ZNF420: variants seen among roughly 807,000 people sequenced by gnomAD.
ZNF420 encodes zinc finger protein 420.
In ZNF420, 31 loss-of-function variants were observed where a neutral mutation model predicts 44.7. That is an observed-to-expected ratio of 0.69 (90% CI 0.52 to 0.94). ZNF420 has a LOEUF of 0.94. Among genes scored for constraint, ZNF420 ranks in the 40% least tolerant of loss-of-function variants. The pLI, the probability that ZNF420 is intolerant of heterozygous loss-of-function variation, is 0.00. For missense variants in ZNF420, 681 were observed against 827.9 expected (o/e 0.82, Z 2.18); for synonymous variants, 245 against 267.4 (o/e 0.92, Z 0.82).
At chr19:37,086,147 C>G (rs1968765118) in intron 2 of ZNF420, among the ~76,000 whole-genome samples, 1 of 151,946 alleles carries the variant, frequency 6.6e-6, no homozygotes. Context: ...CCCTTGTCTT[C>G]TTGTCCCCTG....
intron 1 of ZNF420, among the ~76,000 whole-genome samples, chr19:37,025,528 G>A (rs1967140083): frequency 6.6e-6 from 1 of 151,966 alleles, no homozygotes; most frequent in Admixed American, 6.6e-5. Context: ...ATGGACAGGT[G>A]GTCTTTTTTA....
intron 1 of ZNF420, among the ~76,000 whole-genome samples, chr19:37,037,779 G>A (rs1191110669): frequency 6.6e-6 from 1 of 152,210 alleles, no homozygotes; most frequent in Admixed American, 6.5e-5. Flanking sequence ...GATTACAGAC[G>A]TGAGCTATCA....
At chr19:37,056,625 C>T (rs2146433025) in intron 1 of ZNF420, among the ~76,000 whole-genome samples, 1 of 152,296 alleles carries the variant, frequency 6.6e-6, no homozygotes. Context: ...CAGCTGACAC[C>T]ACGCCTTGAG....
chr19:37,025,770 CTTT>C (rs67671586), intron 1 of ZNF420, among the ~76,000 whole-genome samples: 3,472 of 129,430 alleles, frequency 0.027, 136 homozygotes, highest in African/African-American at 0.086. Context: ...TTAAACCTGT[CTTT>C]TTTTTTTTTT....
intron 4 of ZNF420, among the ~76,000 whole-genome samples, chr19:37,104,509 G>A (rs188828780): frequency 1.3e-3 from 192 of 152,296 alleles, no homozygotes; most frequent in Non-Finnish European, 2.2e-3. Context: ...CAGGTAATGG[G>A]ATAGCTGGGT....
At chr19:37,081,920 C>A (rs974076176) in intron 2 of ZNF420, among the ~76,000 whole-genome samples, 1 of 151,878 alleles carries the variant, frequency 6.6e-6, no homozygotes, top group Non-Finnish European at 1.5e-5. Context: ...GGTGAATTGA[C>A]CCCTTTATCA....
intron 1 of ZNF420, among the ~76,000 whole-genome samples, chr19:37,035,194 CCAAT>C (rs1207679599): frequency 2.6e-5 from 4 of 152,134 alleles, no homozygotes; most frequent in African/African-American, 7.2e-5. Context: ...CAAATTTTCG[CCAAT>C]CAAATAATTT....
intron 4 of ZNF420, among the ~76,000 whole-genome samples, chr19:37,115,765 G>A (rs147714638): frequency 0.019 from 2,928 of 151,942 alleles, 78 homozygotes; most frequent in East Asian, 0.05. Flanking sequence ...GGGCTGGGGG[G>A]CGGTCAGGTT....
Position 37,030,172 on chromosome 19 carries a change from TG to T in ZNF420, c.-125+22091del, listed in dbSNP as rs1240235676. ...CTGTTTTTGTTGTTGTTGTTGTTGT[TG>T]TTGTTTGAGAGGGAGTCTCGCTCTG... On this transcript the variant is annotated intron_variant, in intron 1 of 4. Transcript: ENST00000587029. 7.9e-5 allele frequency among the ~76,000 whole-genome samples: 12 copies of T among 152,260 alleles called. No homozygotes were observed. In the East Asian group the frequency reaches 9.6e-4, roughly 12 times the overall value.
intron 1 of ZNF420, among the ~76,000 whole-genome samples, chr19:37,058,854 C>T (rs117875908): frequency 0.016 from 2,374 of 152,292 alleles, 28 homozygotes; most frequent in Middle Eastern, 0.024. Flanking sequence ...CCTGTTTCCA[C>T]GTCTCCTGGA....
chr19:37,094,911 T>A (rs1969350043), intron 4 of ZNF420, among the ~76,000 whole-genome samples: 1 of 152,064 alleles, frequency 6.6e-6, no homozygotes, highest in African/African-American at 2.4e-5. Context: ...GGCGGGCAGA[T>A]CACGAGGTCA....
At chr19:37,014,086 G>A (rs568555448) in intron 1 of ZNF420, among the ~76,000 whole-genome samples, 27 of 152,192 alleles carry the variant, frequency 1.8e-4, no homozygotes, top group Non-Finnish European at 3.5e-4. Context: ...GAGGCCTACT[G>A]GAGGAGGCGA....
chr19:37,122,275 A>T (rs1341855914), intron 4 of ZNF420, among the ~76,000 whole-genome samples: 1 of 152,340 alleles, frequency 6.6e-6, no homozygotes, highest in East Asian at 1.9e-4. Context: ...ATGGAATAGT[A>T]TGCAGCCATA....
intron 1 of ZNF420, among the ~76,000 whole-genome samples, chr19:37,064,543 G>A (rs1161073792): frequency 6.6e-6 from 1 of 151,970 alleles, no homozygotes; most frequent in South Asian, 2.1e-4. Context: ...TTCAAAGAAC[G>A]CAGATTTTTA....
chr19:37,107,147 T>A (rs112980980), intron 4 of ZNF420: 1 of 152,088 alleles, frequency 6.6e-6, no homozygotes, highest in African/African-American at 2.4e-5. Flanking sequence ...CTTTTACTAA[T>A]CCTCCTCAGC....
At chr19:37,118,978 G>T (rs968444236) in intron 4 of ZNF420, among the ~76,000 whole-genome samples, 5 of 152,064 alleles carry the variant, frequency 3.3e-5, no homozygotes, top group Non-Finnish European at 7.3e-5. Context: ...AGCAAGTCCT[G>T]AGTGACCTAC....
chr19:37,079,831 C>T (rs1173094837), intron 1 of ZNF420, among the ~76,000 whole-genome samples: 1 of 151,864 alleles, frequency 6.6e-6, no homozygotes, highest in Non-Finnish European at 1.5e-5. Flanking sequence ...ATGACCTCTA[C>T]TAAAAATACA....
chr19:37,101,802 T>C (rs1247999760), intron 4 of ZNF420, among the ~76,000 whole-genome samples: 1 of 152,176 alleles, frequency 6.6e-6, no homozygotes, highest in Non-Finnish European at 1.5e-5. Context: ...GTGGCCCAGA[T>C]GGGTGTGCCT....
chr19:37,008,156 C>T, intron 1 of ZNF420: 1 of 299,232 alleles, frequency 3.3e-6, no homozygotes, highest in Non-Finnish European at 6.3e-6. Context: ...GCTACTCTCT[C>T]ACCCGAGGGT....
Sources: gnomAD v4.1 joint callset for allele counts (sites outside exome capture counted in the v4.1 genomes callset) on GRCh38, gnomAD v4.1.1 for gene constraint, MANE v1.5 for transcripts, NCBI Gene and HGNC (gene_info 2026-07-23, HGNC 2026-07-21) for gene names.